The following EDA variants were observed in gnomAD, a reference collection of about 807,000 sequenced individuals.
EDA encodes the protein ectodysplasin-A.
In EDA, 2 loss-of-function variants were observed where a neutral mutation model predicts 23.6. The observed-to-expected ratio is 0.08, with a 90% CI of 0.03 to 0.27. The LOEUF is 0.27. Ranked by LOEUF, EDA falls within the 10% of genes least tolerant of loss-of-function variation. The probability of loss-of-function intolerance (pLI) is 1.00; values close to 1 mark genes in which losing one functional copy is unlikely to be tolerated. For synonymous variants in EDA, 131 were observed against 132.0 expected, an observed-to-expected ratio of 0.99 and a Z score of 0.05; for missense variants, 229 against 324.2, an observed-to-expected ratio of 0.71 and a Z score of 2.26.
chrX:69,720,256 G>A (rs1469420245), intron 1 of EDA, among the ~76,000 whole-genome samples: 1 of 111,390 alleles, frequency 9.0e-6, no homozygotes, highest in Non-Finnish European at 1.9e-5. Flanking sequence ...AGAAATTCTT[G>A]GCCTTTTGAA....
intron 2 of EDA, among the ~76,000 whole-genome samples, chrX:69,993,091 A>G (rs2019611346): frequency 9.1e-6 from 1 of 110,388 alleles, no homozygotes; most frequent in South Asian, 3.8e-4. Flanking sequence ...ATGCCACTTC[A>G]ATCATGTTTC....
intron 1 of EDA, among the ~76,000 whole-genome samples, chrX:69,653,646 C>T (rs1933179719): frequency 9.0e-6 from 1 of 110,748 alleles, no homozygotes; most frequent in Non-Finnish European, 1.9e-5. Context: ...AATAATGCCG[C>T]ATATCTACAA....
At position 69,925,296 on chromosome X, in the gene EDA, A is replaced by G. The variant is rs754316559; in HGVS notation, c.397-31731A>G. Among the ~76,000 whole-genome samples, 4 of 111,822 alleles carry G rather than the reference A, an allele frequency of 3.6e-5. No individual in the cohort carries two copies. In the East Asian group the frequency reaches 1.1e-3, roughly 31 times the overall value. ...GATATTGGCTGTGGGTTTGTCATAAATAGCTCTTATTATTTTGACATATGT... is the reference window on the plus strand; with the variant it reads ...GATATTGGCTGTGGGTTTGTCATAAGTAGCTCTTATTATTTTGACATATGT... On this transcript the variant is annotated intron_variant, in intron 1 of 7. Transcript: ENST00000374552.
chrX:69,938,150 G>A (rs1924528753), intron 1 of EDA: 4 of 641,277 alleles, frequency 6.2e-6, no homozygotes, highest in Non-Finnish European at 6.9e-6. Context: ...CCTCCCCCTG[G>A]CCATAGAGAC....
intron 1 of EDA, among the ~76,000 whole-genome samples, chrX:69,787,789 G>A (rs2015247124): frequency 9.1e-6 from 1 of 110,195 alleles, no homozygotes; most frequent in South Asian, 3.9e-4. Context: ...CTCTTCTCAA[G>A]GAGTATCTTT....
At chrX:69,961,025 G>GA (rs869149209) in intron 2 of EDA, among the ~76,000 whole-genome samples, 5 of 84,065 alleles carry the variant, frequency 5.9e-5, no homozygotes, top group Non-Finnish European at 6.6e-5. Context: ...TCCAAAAAAA[G>GA]AAAAAAAAAG....
Position 69,889,022 on chromosome X carries a change from T to A in EDA, c.397-68005T>A, listed in dbSNP as rs570470895. Among the ~76,000 whole-genome samples the A allele has an allele frequency of 1.3e-3, 35 of 27,645 alleles. 1 individual carries two copies. The South Asian group carries it at 0.031, about 24-fold the overall frequency. The allele number at this position is 27,645 out of a possible 115,157, so 24.0% of individuals were successfully genotyped here. ...TATATATATATATATATATATATATTATGTTTTTCCACAGCAGCTGCACCA... is the reference window on the plus strand; with the variant it reads ...TATATATATATATATATATATATATAATGTTTTTCCACAGCAGCTGCACCA... On this transcript the variant is annotated intron_variant, in intron 1 of 7. Transcript: ENST00000374552.
At chrX:69,889,003 T>G (rs1372246619) in intron 1 of EDA, among the ~76,000 whole-genome samples, 4 of 70,085 alleles carry the variant, frequency 5.7e-5, no homozygotes, top group Admixed American at 1.8e-4. Context: ...TATATATATA[T>G]ATATATATAT....
intron 2 of EDA, among the ~76,000 whole-genome samples, chrX:69,987,171 G>T (rs2019506371): frequency 1.0e-5 from 1 of 98,214 alleles, no homozygotes; most frequent in Non-Finnish European, 2.0e-5. Flanking sequence ...TATACCTAAT[G>T]ATAGATGACA....
chrX:69,804,056 A>G (rs1440111855), intron 1 of EDA, among the ~76,000 whole-genome samples: 1 of 110,782 alleles, frequency 9.0e-6, no homozygotes, highest in African/African-American at 3.3e-5. Context: ...TTATCCATTC[A>G]TCTATTAATG....
chrX:69,815,942 C>T (rs1210015982), intron 1 of EDA, among the ~76,000 whole-genome samples: 1 of 111,611 alleles, frequency 9.0e-6, no homozygotes, highest in Non-Finnish European at 1.9e-5. Flanking sequence ...TAGGTTTGTG[C>T]AGGACAGCAA....
At chrX:69,880,762 C>T (rs2017733274) in intron 1 of EDA, among the ~76,000 whole-genome samples, 1 of 112,030 alleles carries the variant, frequency 8.9e-6, no homozygotes, top group South Asian at 3.7e-4. Flanking sequence ...GGGAATATCA[C>T]TTCGTTGGCT....
intron 1 of EDA, among the ~76,000 whole-genome samples, chrX:69,747,243 T>C (rs774527152): frequency 5.6e-4 from 63 of 112,045 alleles, no homozygotes; most frequent in African/African-American, 1.9e-3. Flanking sequence ...TTTGAGGAGA[T>C]AACATTTAAA....
At chrX:69,688,722 G>A (rs1214990180) in intron 1 of EDA, among the ~76,000 whole-genome samples, 2 of 111,465 alleles carry the variant, frequency 1.8e-5, no homozygotes, top group Non-Finnish European at 3.8e-5. Context: ...ATGTCACTCA[G>A]AGTGGCTTAG....
intron 1 of EDA, among the ~76,000 whole-genome samples, chrX:69,822,437 C>T (rs1366306661): frequency 3.6e-5 from 4 of 111,368 alleles, no homozygotes; most frequent in Non-Finnish European, 7.5e-5. Flanking sequence ...CTGGAAGCCC[C>T]AAACAGTGGT....
rs758979365 is a variant in EDA at position 69,876,525 on chromosome X, C to T, written c.397-80502C>T. ...GGGCAAATACATACAGCCATGTAACCATCACTTCAATCATCATGTAAAACC... is the reference window on the plus strand; with the variant it reads ...GGGCAAATACATACAGCCATGTAACTATCACTTCAATCATCATGTAAAACC... On this transcript the variant is annotated intron_variant, in intron 1 of 7. Transcript: ENST00000374552. 3.0e-4 allele frequency among the ~76,000 whole-genome samples: 33 copies of T among 110,936 alleles called. No homozygotes were observed. The South Asian group carries it at 0.013, about 42-fold the overall frequency.
chrX:69,718,948 G>C (rs1225826663), intron 1 of EDA, among the ~76,000 whole-genome samples: 1 of 111,614 alleles, frequency 9.0e-6, no homozygotes, highest in African/African-American at 3.2e-5. Context: ...TTTTTCAGGA[G>C]CTTTTAAATT....
At chrX:69,679,121 C>T (rs1347464095) in intron 1 of EDA, among the ~76,000 whole-genome samples, 6 of 109,035 alleles carry the variant, frequency 5.5e-5, no homozygotes, top group Non-Finnish European at 1.1e-4. Context: ...TGCTGGATTA[C>T]GTTTATTGAT....
rs57593985 is a variant in EDA at position 69,851,157 on chromosome X, T to TTGTGTG, written c.397-105849_397-105844dup. The stretch of plus-strand genomic sequence containing the variant: ...ACGTCACAAAATCTAGATCAAGGGT[T>TTGTGTG]TGTGTGTGTGTGTGTGTGTGTGTGT... On this transcript the variant is annotated intron_variant, in intron 1 of 7. Transcript: ENST00000374552. 6.9e-3 allele frequency among the ~76,000 whole-genome samples: 699 copies of TTGTGTG among 101,718 alleles called. 3 individuals are homozygous for TTGTGTG. The highest frequency in any genetic ancestry group is 0.021 in the South Asian group (45 of 2,178). The allele number at this position is 101,718 out of a possible 115,157, so 88.3% of individuals were successfully genotyped here. A position where few individuals can be genotyped will look rare whatever the true frequency, so the allele number is the denominator to read the frequency against.
Sources: allele counts gnomAD v4.1 joint callset (sites outside exome capture counted in the v4.1 genomes callset), GRCh38; gene constraint gnomAD v4.1.1; transcripts MANE v1.5; gene names NCBI Gene and HGNC (gene_info 2026-07-23, HGNC 2026-07-21).